Variants in TGS1 observed in about 807,000 individuals in gnomAD.
TGS1 encodes trimethylguanosine synthase.
In TGS1, 69 loss-of-function variants were observed where a neutral mutation model predicts 92.2. The ratio of observed to expected loss-of-function variants is 0.75; its 90% CI spans 0.62 to 0.91. The LOEUF (loss-of-function observed/expected upper bound fraction) is 0.91, where lower values mean the gene tolerates loss of function less well. Ranked by LOEUF, TGS1 falls within the 40% of genes least tolerant of loss-of-function variation. The pLI is 0.00. For synonymous variants in TGS1, 345 were observed against 338.1 expected, an observed-to-expected ratio of 1.02 and a Z score of -0.22; for missense variants, 1,062 against 1,001.2, an observed-to-expected ratio of 1.06 and a Z score of -0.82.
At chr8:55,788,454 CTTT>C (rs71256568) in intron 4 of TGS1, among the ~76,000 whole-genome samples, 8 of 91,090 alleles carry the variant, frequency 8.8e-5, no homozygotes, top group Non-Finnish European at 1.5e-4. Flanking sequence ...CATTTTCATC[CTTT>C]TTTTTTTTTT....
chr8:55,822,086 T>C (rs1803657284), intron 12 of TGS1, among the ~76,000 whole-genome samples: 2 of 151,622 alleles, frequency 1.3e-5, no homozygotes, highest in Admixed American at 1.3e-4. Flanking sequence ...CTTTTTTTTT[T>C]TGAGGCAGAG....
chr8:55,792,645 C>A, intron 5 of TGS1, 53 bp from the exon 6 acceptor site: 1 of 1,248,490 alleles, frequency 8.0e-7, no homozygotes. Flanking sequence ...TTTATCTGAA[C>A]TAGTGGGCTC....
chr8:55,802,316 G>A (rs993694499), intron 8 of TGS1, 141 bp from the exon 9 acceptor site: 3 of 645,906 alleles, frequency 4.6e-6, no homozygotes, highest in Non-Finnish European at 7.8e-6. Context: ...GTTTCCATCA[G>A]GCTCTCCTGT....
At position 55,786,466 on chromosome 8, in the gene TGS1, C is replaced by G. The variant is rs868818210; in HGVS notation, c.568C>G (p.Pro190Ala). 3 of 1,613,802 alleles carry G rather than the reference C, an allele frequency of 1.9e-6. No homozygotes were observed. The highest frequency in any genetic ancestry group is 3.3e-5 in the Admixed American group (2 of 59,954). The change falls in exon 4 of 13, where the codon CCA becomes GCA. Residue 190 changes from proline to alanine, a missense_variant. By Grantham distance (27) the Pro-to-Ala change is conservative. Coordinates refer to ENST00000260129, the MANE Select transcript of TGS1 (RefSeq NM_024831.8). ...ENPPVENTLS[P>A]KLEITEKWEK... ...TCCTCCAGTTGAAAACACATTATCT[C>G]CAAAGCTAGAAATTACAGAGAAATG...
At chr8:55,813,961 T>C (rs1803403030) in intron 12 of TGS1, among the ~76,000 whole-genome samples, 1 of 152,164 alleles carries the variant, frequency 6.6e-6, no homozygotes, top group Non-Finnish European at 1.5e-5. Context: ...GTTTTTGTTT[T>C]TCTTTTGAGA....
intron 5 of TGS1, among the ~76,000 whole-genome samples, chr8:55,792,034 G>A (rs1811901570): frequency 6.6e-6 from 1 of 152,166 alleles, no homozygotes; most frequent in Admixed American, 6.5e-5. Context: ...ACCTCTGTAT[G>A]GTAGACATTG....
At chr8:55,778,672 C>T (rs1485041386) in intron 1 of TGS1, among the ~76,000 whole-genome samples, 1 of 152,156 alleles carries the variant, frequency 6.6e-6, no homozygotes, top group Non-Finnish European at 1.5e-5. Context: ...TGTGCTTTTA[C>T]AAAACTCAGC....
At chr8:55,788,773 A>G (rs538089679) in intron 4 of TGS1, among the ~76,000 whole-genome samples, 1 of 152,186 alleles carries the variant, frequency 6.6e-6, no homozygotes, top group African/African-American at 2.4e-5. Flanking sequence ...TTTTATCTGA[A>G]GATTTTATAT....
intron 12 of TGS1, among the ~76,000 whole-genome samples, chr8:55,819,225 C>T (rs777133489): frequency 4.0e-5 from 6 of 149,994 alleles, no homozygotes; most frequent in African/African-American, 9.8e-5. Context: ...CATGAGCCAC[C>T]GTGCCCGGCC....
In TGS1 at chr8:55,813,140, T is replaced by A. The variant is rs767314819; in HGVS notation, c.2439+22T>A. ...CCAGGTAAGCCATTACTGAAAAACT[T>A]CCATGAGTGTCTGTCTTAACTGTTA... On this transcript the variant is annotated intron_variant, in intron 12 of 12. Transcript: ENST00000260129. The A allele has an allele frequency of 3.3e-6, 5 of 1,501,790 alleles. No individual in the cohort carries two copies. In the South Asian group the frequency reaches 5.7e-5, roughly 17 times the overall value. The allele number at this position is 1,501,790 out of a possible 1,614,324, so 93.0% of individuals were successfully genotyped here.
At chr8:55,783,883 T>A (rs1811638579) in intron 2 of TGS1, among the ~76,000 whole-genome samples, 1 of 152,198 alleles carries the variant, frequency 6.6e-6, no homozygotes, top group Non-Finnish European at 1.5e-5. Flanking sequence ...TCCTCGAGCA[T>A]AAGAAAATAT....
At chr8:55,795,516 T>C (rs1387537701) in intron 6 of TGS1, among the ~76,000 whole-genome samples, 1 of 152,220 alleles carries the variant, frequency 6.6e-6, no homozygotes, top group Non-Finnish European at 1.5e-5. Context: ...TCAGGCATTC[T>C]CTAATTATTT....
At chr8:55,794,918 A>G (rs1007063284) in intron 6 of TGS1, among the ~76,000 whole-genome samples, 1 of 152,270 alleles carries the variant, frequency 6.6e-6, no homozygotes, top group East Asian at 1.9e-4. Context: ...TGAAATCAGC[A>G]AGAAAGGGAC....
intron 1 of TGS1, among the ~76,000 whole-genome samples, chr8:55,774,832 T>C (rs147853656): frequency 1.1e-3 from 163 of 152,312 alleles, no homozygotes; most frequent in African/African-American, 3.7e-3. Context: ...TTTGAGGAAG[T>C]AGCTTTTGGA....
chr8:55,819,929 G>A (rs755606980), intron 12 of TGS1, among the ~76,000 whole-genome samples: 9 of 152,164 alleles, frequency 5.9e-5, no homozygotes, highest in Non-Finnish European at 1.0e-4. Context: ...TGTGACATTA[G>A]GTTTGTAGTC....
chr8:55,785,311 C>T (rs890108221), intron 2 of TGS1, among the ~76,000 whole-genome samples: 11 of 152,164 alleles, frequency 7.2e-5, no homozygotes, highest in African/African-American at 2.7e-4. Flanking sequence ...CTGCCTCAGC[C>T]TCCGAAAGTG....
At chr8:55,780,400 A>G (rs1483110060) in intron 1 of TGS1, among the ~76,000 whole-genome samples, 2 of 152,028 alleles carry the variant, frequency 1.3e-5, no homozygotes, top group Admixed American at 1.3e-4. Context: ...CTGATGTTTC[A>G]TCAGGAATAG....
rs142221323 is a variant in TGS1, at chr8:55,814,050, C to G, written c.2439+932C>G. On this transcript the variant is annotated intron_variant, in intron 12 of 12. Transcript: ENST00000260129. ...GCAGCCTCAACTAACTGGGCTCAAG[C>G]AGTCCTCCCACCTCAGCCTGCTGAG... Among the ~76,000 whole-genome samples the G allele has an allele frequency of 1.6e-3, 247 of 152,286 alleles. 1 individual carries two copies. The highest frequency in any genetic ancestry group is 5.8e-3 in the African/African-American group (239 of 41,564).
At chr8:55,822,081 T>G (rs1803657136) in intron 12 of TGS1, among the ~76,000 whole-genome samples, 1 of 151,414 alleles carries the variant, frequency 6.6e-6, no homozygotes, top group Non-Finnish European at 1.5e-5. Context: ...TCTTTCTTTT[T>G]TTTTTTGAGG....
Sources: allele counts gnomAD v4.1 joint callset (sites outside exome capture counted in the v4.1 genomes callset), GRCh38; gene constraint gnomAD v4.1.1; transcripts MANE v1.5; gene names NCBI Gene and HGNC (gene_info 2026-07-23, HGNC 2026-07-21).